Variants in CNTN5 observed in about 807,000 individuals in gnomAD.
CNTN5 encodes the protein contactin-5.
Under a neutral mutation model 129.1 loss-of-function variants are expected in CNTN5, and 77 were observed. That is an observed-to-expected ratio of 0.60 (90% CI 0.50 to 0.72). CNTN5 has a LOEUF of 0.72. Among genes scored for constraint, CNTN5 ranks in the 30% least tolerant of loss-of-function variants. The pLI is 0.00. For synonymous variants in CNTN5, 509 were observed against 465.6 expected (o/e 1.09, Z -1.20); for missense variants, 1,478 against 1,328.8 (o/e 1.11, Z -1.75).
At chr11:99,319,829 G>A (rs531081897) in intron 1 of CNTN5, among the ~76,000 whole-genome samples, 1 of 152,286 alleles carries the variant, frequency 6.6e-6, no homozygotes, top group Non-Finnish European at 1.5e-5. Flanking sequence ...ATTCAATGGT[G>A]AATGCAGAAA....
intron 2 of CNTN5, among the ~76,000 whole-genome samples, chr11:99,410,737 T>C (rs1170730538): frequency 6.6e-6 from 1 of 152,238 alleles, no homozygotes; most frequent in Non-Finnish European, 1.5e-5. Context: ...TGTACATTAC[T>C]TGCATAATTG....
intron 2 of CNTN5, among the ~76,000 whole-genome samples, chr11:99,365,748 G>GT (rs1201313614): frequency 6.6e-6 from 1 of 152,064 alleles, no homozygotes; most frequent in Non-Finnish European, 1.5e-5. Flanking sequence ...GAACTGAAAC[G>GT]TAACAGTCTC....
chr11:100,122,048 G>A (rs1264296945), intron 13 of CNTN5, among the ~76,000 whole-genome samples: 2 of 152,030 alleles, frequency 1.3e-5, no homozygotes, highest in Non-Finnish European at 1.5e-5. Flanking sequence ...TAGGGGAACT[G>A]GTTCATGAAA....
At chr11:99,215,031 GA>G (rs368225320) in intron 1 of CNTN5, among the ~76,000 whole-genome samples, 71 of 146,520 alleles carry the variant, frequency 4.8e-4, no homozygotes, top group East Asian at 9.9e-4. Flanking sequence ...CTTTAAAAAA[GA>G]AAAAAAAAAT....
intron 7 of CNTN5, among the ~76,000 whole-genome samples, chr11:99,930,788 T>TACACAAAC (rs1555160642): frequency 1.2e-4 from 3 of 24,630 alleles, no homozygotes; most frequent in Non-Finnish European, 2.4e-4. Flanking sequence ...AATAAACACA[T>TACACAAAC]ACACACAAAC....
chr11:99,544,540 T>A (rs952666914), intron 2 of CNTN5, among the ~76,000 whole-genome samples: 1 of 152,204 alleles, frequency 6.6e-6, no homozygotes, highest in South Asian at 2.1e-4. Context: ...TTTTGAGTAA[T>A]TATTTTAAAT....
intron 3 of CNTN5, among the ~76,000 whole-genome samples, chr11:99,646,175 C>T (rs957408148): frequency 3.3e-5 from 5 of 152,148 alleles, no homozygotes; most frequent in South Asian, 2.1e-4. Context: ...TTTATTTTGT[C>T]GGGCAGCTCA....
intron 2 of CNTN5, among the ~76,000 whole-genome samples, chr11:99,432,468 T>TTCTTTTCTTTTCTTG (rs1418188130): frequency 3.7e-5 from 5 of 136,384 alleles, no homozygotes; most frequent in African/African-American, 1.4e-4. Flanking sequence ...TTCTTTCCTT[T>TTCTTTTCTTTTCTTG]TCTTTTCTTT....
chr11:99,196,170 AGT>A (rs1173045890), intron 1 of CNTN5, among the ~76,000 whole-genome samples: 5 of 151,746 alleles, frequency 3.3e-5, no homozygotes, highest in African/African-American at 1.2e-4. Flanking sequence ...AAAAAAAAAT[AGT>A]GTGTTTTAGC....
At chr11:99,729,661 A>T (rs1943464221) in intron 3 of CNTN5, among the ~76,000 whole-genome samples, 1 of 152,180 alleles carries the variant, frequency 6.6e-6, no homozygotes, top group African/African-American at 2.4e-5. Flanking sequence ...AATGTCTATC[A>T]GTGATAGACT....
chr11:99,735,235 G>A (rs1172165109), intron 3 of CNTN5, among the ~76,000 whole-genome samples: 1 of 151,766 alleles, frequency 6.6e-6, no homozygotes, highest in Non-Finnish European at 1.5e-5. Flanking sequence ...TCCCAATGAA[G>A]GATTTTTATC....
chr11:100,284,820 A>G (rs1269234926), intron 18 of CNTN5, among the ~76,000 whole-genome samples: 6 of 152,374 alleles, frequency 3.9e-5, no homozygotes, highest in South Asian at 2.1e-4. Context: ...AATGAATTAT[A>G]TATACACACA....
chr11:100,101,642 T>C (rs575973770), intron 13 of CNTN5, among the ~76,000 whole-genome samples: 1 of 152,268 alleles, frequency 6.6e-6, no homozygotes, highest in Admixed American at 6.5e-5. Flanking sequence ...GGATAATTTC[T>C]TTAGTGGTGA....
intron 6 of CNTN5, among the ~76,000 whole-genome samples, chr11:99,885,044 G>T (rs1428741838): frequency 2.0e-5 from 3 of 152,068 alleles, no homozygotes; most frequent in African/African-American, 4.8e-5. Context: ...GCACTCTGGG[G>T]GGGTGAGGAG....
chr11:99,620,510 T>TCTC (rs1950910494), intron 3 of CNTN5, among the ~76,000 whole-genome samples: 1 of 82,270 alleles, frequency 1.2e-5, no homozygotes, highest in African/African-American at 3.2e-5. Context: ...TTTCTTTTCT[T>TCTC]TTTTTTTTTT....
chr11:99,416,806 T>C (rs530058528), intron 2 of CNTN5, among the ~76,000 whole-genome samples: 7 of 152,186 alleles, frequency 4.6e-5, no homozygotes, highest in African/African-American at 1.7e-4. Context: ...CAAAACAAGG[T>C]ATTTGGGAAG....
intron 18 of CNTN5, among the ~76,000 whole-genome samples, chr11:100,296,156 G>A (rs1951095649): frequency 6.6e-6 from 1 of 151,336 alleles, no homozygotes; most frequent in African/African-American, 2.4e-5. Flanking sequence ...CCGTAACATT[G>A]AGCAGAAAAT....
intron 6 of CNTN5, among the ~76,000 whole-genome samples, chr11:99,856,996 C>A (rs1303892641): frequency 6.7e-6 from 1 of 149,056 alleles, no homozygotes. Flanking sequence ...CTCCCTCCCT[C>A]CTTCCCTCCT....
At position 99,689,686 on chromosome 11, in the gene CNTN5, T is replaced by G. The variant is rs192065760; in HGVS notation, c.56-129858T>G. Among the ~76,000 whole-genome samples the G allele has an allele frequency of 1.3e-3, 196 of 152,216 alleles. 1 individual carries two copies. Among genetic ancestry groups the G allele is most frequent in the African/African-American group, 4.5e-3 (186 of 41,546 alleles). ...TGCATTTCTGTAATTATCAGTGTTG[T>G]TGGGCTTTTTTTCATATATTTCCTG... is the stretch of plus-strand genomic sequence containing the variant. On this transcript the variant is annotated intron_variant, in intron 3 of 24. Transcript: ENST00000524871.
Sources: gnomAD v4.1 joint callset for allele counts (sites outside exome capture counted in the v4.1 genomes callset) on GRCh38, gnomAD v4.1.1 for gene constraint, MANE v1.5 for transcripts, NCBI Gene and HGNC (gene_info 2026-07-23, HGNC 2026-07-21) for gene names.